The following PRKN variants were observed in gnomAD, a reference collection of about 807,000 sequenced individuals.
The protein encoded by PRKN is E3 ubiquitin-protein ligase parkin.
Under a neutral mutation model 59.5 loss-of-function variants are expected in PRKN, and 56 were observed. The ratio of observed to expected loss-of-function variants is 0.94; its 90% CI spans 0.76 to 1.18. The LOEUF is 1.18. Ranked by LOEUF, PRKN falls within the 50% of genes most tolerant of loss-of-function variation. PRKN has a pLI of 0.00. For missense variants in PRKN, 657 were observed against 596.4 expected, an observed-to-expected ratio of 1.10 and a Z score of -1.06; for synonymous variants, 250 against 222.1, an observed-to-expected ratio of 1.13 and a Z score of -1.12.
intron 7 of PRKN, among the ~76,000 whole-genome samples, chr6:161,613,641 A>G (rs1475232620): frequency 6.6e-6 from 1 of 152,164 alleles, no homozygotes; most frequent in Admixed American, 6.5e-5. Flanking sequence ...CAGCCACGTC[A>G]AGCTTCAGCA....
At chr6:161,683,821 T>C (rs892472098) in intron 7 of PRKN, among the ~76,000 whole-genome samples, 4 of 152,074 alleles carry the variant, frequency 2.6e-5, no homozygotes, top group South Asian at 4.2e-4. Flanking sequence ...CACAGAAGGA[T>C]TGATGTGGAC....
At chr6:162,144,035 C>A (rs1474598251) in intron 4 of PRKN, among the ~76,000 whole-genome samples, 1 of 152,118 alleles carries the variant, frequency 6.6e-6, no homozygotes, top group African/African-American at 2.4e-5. Flanking sequence ...TCTACATATT[C>A]TTCTCCATGT....
intron 1 of PRKN, among the ~76,000 whole-genome samples, chr6:162,651,119 CTTTGTTTGTTTG>C (rs149491590): frequency 2.4e-4 from 37 of 152,122 alleles, no homozygotes; most frequent in African/African-American, 8.0e-4. Context: ...CACAATATGG[CTTTGTTTGTTTG>C]TTTGTTTGTT....
chr6:162,302,324 GGTTAT>G (rs59165654), intron 2 of PRKN, among the ~76,000 whole-genome samples: 7,342 of 151,820 alleles, frequency 0.048, 605 homozygotes, highest in African/African-American at 0.17. Flanking sequence ...CTTATTGTTA[GGTTAT>G]GTTATAAGAC....
At chr6:162,003,797 T>C (rs190351618) in intron 5 of PRKN, among the ~76,000 whole-genome samples, 27 of 152,296 alleles carry the variant, frequency 1.8e-4, no homozygotes, top group Middle Eastern at 3.4e-3. Flanking sequence ...TTGCACAATA[T>C]TTTATAAAAG....
intron 3 of PRKN, among the ~76,000 whole-genome samples, chr6:162,239,767 C>T (rs769866168): frequency 2.0e-5 from 3 of 151,878 alleles, no homozygotes; most frequent in Non-Finnish European, 4.4e-5. Context: ...CCAAGACCAC[C>T]AGCTGAAACG....
intron 7 of PRKN, among the ~76,000 whole-genome samples, chr6:161,654,735 G>T (rs1436790477): frequency 6.6e-6 from 1 of 152,220 alleles, no homozygotes; most frequent in African/African-American, 2.4e-5. Context: ...AGTGAGCATG[G>T]TGGTGGCGAA....
At chr6:162,080,978 T>C (rs1249012959) in intron 4 of PRKN, among the ~76,000 whole-genome samples, 1 of 152,082 alleles carries the variant, frequency 6.6e-6, no homozygotes, top group Admixed American at 6.5e-5. Flanking sequence ...AGAAACCACT[T>C]TGTTCTTCCA....
At chr6:162,587,986 C>A (rs2846550) in intron 1 of PRKN, among the ~76,000 whole-genome samples, 137,522 of 151,522 alleles carry the variant, frequency 0.91, 62,639 homozygotes, top group South Asian at 0.97. Context: ...ATCAACATAA[C>A]CATACTTGAA....
chr6:161,672,057 A>C lies in PRKN; in HGVS notation c.872-102641T>G, dbSNP rs143687715. On this transcript the variant is annotated intron_variant, in intron 7 of 11. Coordinates refer to ENST00000366898, the MANE Select transcript of PRKN (RefSeq NM_004562.3). Reference sequence around the variant, plus strand: ...TTAAGCAGCAATGATATGTCATGCCAAGCTGAGTTCAACTTTCTTGGTAAC... The same window carrying C: ...TTAAGCAGCAATGATATGTCATGCCCAGCTGAGTTCAACTTTCTTGGTAAC... 1.9e-4 allele frequency among the ~76,000 whole-genome samples: 29 copies of C among 152,312 alleles called. 1 individual carries two copies. The highest frequency in any genetic ancestry group is 3.4e-4 in the Non-Finnish European group (23 of 68,022).
intron 1 of PRKN, among the ~76,000 whole-genome samples, chr6:162,646,064 C>CGG (rs1175783700): frequency 1.3e-5 from 2 of 151,264 alleles, no homozygotes; most frequent in Non-Finnish European, 2.9e-5. Flanking sequence ...TTAGTAGAGA[C>CGG]GGTTTCACCG....
chr6:161,977,542 G>GTTTTTTTTTTTTTTTTTTTTTTT (rs1554256833), intron 5 of PRKN, among the ~76,000 whole-genome samples: 2 of 104,522 alleles, frequency 1.9e-5, no homozygotes, highest in South Asian at 2.9e-4. Flanking sequence ...TGTTTTTTTG[G>GTTTTTTTTTTTTTTTTTTTTTTT]TTTTTTTTTT....
chr6:162,167,233 T>C (rs1235373018), intron 4 of PRKN, among the ~76,000 whole-genome samples: 1 of 152,188 alleles, frequency 6.6e-6, no homozygotes, highest in Non-Finnish European at 1.5e-5. Context: ...TCTGTTGCGA[T>C]AGAGGTAAGA....
rs74823192 is a variant in PRKN, at chr6:161,551,908, G to A, written c.934-2905C>T. On this transcript the variant is annotated intron_variant, in intron 8 of 11. Coordinates refer to ENST00000366898, the MANE Select transcript of PRKN (RefSeq NM_004562.3). The surrounding 1 kb of genome is among the most constrained non-coding windows in gnomAD (Gnocchi z 5.2). Reference sequence around the variant, plus strand: ...GGTTGGAGGGGAGGATCTAAAGGATGTGTGGAGGGTTGGCCTTCAGAGAGC... The same window carrying A: ...GGTTGGAGGGGAGGATCTAAAGGATATGTGGAGGGTTGGCCTTCAGAGAGC... 0.015 allele frequency among the ~76,000 whole-genome samples: 2,265 copies of A among 152,274 alleles called. 72 individuals are homozygous for A. Among genetic ancestry groups the A allele is most frequent in the African/African-American group, 0.052 (2,174 of 41,548 alleles).
chr6:162,361,079 C>G (rs377713542), intron 2 of PRKN, among the ~76,000 whole-genome samples: 3 of 152,290 alleles, frequency 2.0e-5, no homozygotes, highest in East Asian at 3.9e-4. Flanking sequence ...TTGATGCTGG[C>G]TGTGAAACAA....
chr6:161,936,178 C>A (rs1476271716), intron 6 of PRKN, among the ~76,000 whole-genome samples: 1 of 151,038 alleles, frequency 6.6e-6, no homozygotes, highest in Non-Finnish European at 1.5e-5. Flanking sequence ...CAGGCAAAGG[C>A]AAACTGATGA....
intron 1 of PRKN, among the ~76,000 whole-genome samples, chr6:162,500,268 T>G (rs1192192116): frequency 6.6e-6 from 1 of 151,068 alleles, no homozygotes; most frequent in Non-Finnish European, 1.5e-5. Context: ...ACCTCCTGGG[T>G]TCAAGCGATT....
chr6:161,872,110 G>T (rs2128226829), intron 6 of PRKN, among the ~76,000 whole-genome samples: 1 of 152,234 alleles, frequency 6.6e-6, no homozygotes, highest in South Asian at 2.1e-4. Flanking sequence ...ATTCTAGTGG[G>T]AGAGAGAATA....
At chr6:162,293,305 G>A (rs1342218059) in intron 2 of PRKN, among the ~76,000 whole-genome samples, 4 of 152,148 alleles carry the variant, frequency 2.6e-5, no homozygotes, top group African/African-American at 9.7e-5. Flanking sequence ...AACCCGAATG[G>A]GAAAGAGTAT....
Sources: allele counts gnomAD v4.1 joint callset (sites outside exome capture counted in the v4.1 genomes callset), GRCh38; gene constraint gnomAD v4.1.1; non-coding constraint Gnocchi (gnomAD v3.1); transcripts MANE v1.5; gene names NCBI Gene and HGNC (gene_info 2026-07-23, HGNC 2026-07-21).